The following BANK1 variants were observed in gnomAD, a reference collection of about 807,000 sequenced individuals.
BANK1 encodes B-cell scaffold protein with ankyrin repeats.
A neutral mutation model predicts 94.5 loss-of-function variants in BANK1; 95 were observed. The observed-to-expected ratio is 1.00, with a 90% confidence interval of 0.85 to 1.19. The LOEUF (loss-of-function observed/expected upper bound fraction) is 1.19. BANK1 is among the 50% of genes most tolerant of loss of function. The pLI, the probability that BANK1 is intolerant of heterozygous loss-of-function variation, is 0.00. For missense variants in BANK1, 987 were observed against 932.2 expected, an observed-to-expected ratio of 1.06 and a Z score of -0.77; for synonymous variants, 334 against 308.4, an observed-to-expected ratio of 1.08 and a Z score of -0.87.
intron 1 of BANK1, among the ~76,000 whole-genome samples, chr4:101,821,419 A>T (rs1186927824): frequency 6.6e-6 from 1 of 152,066 alleles, no homozygotes; most frequent in African/African-American, 2.4e-5. Flanking sequence ...TTCACTGTTG[A>T]TACTTTCTTT....
chr4:101,983,841 T>C (rs1056985061), intron 7 of BANK1, among the ~76,000 whole-genome samples: 4 of 152,066 alleles, frequency 2.6e-5, no homozygotes, highest in African/African-American at 9.7e-5. Context: ...TTAATTAATT[T>C]GTCAAAAAGT....
At chr4:101,797,016 T>C (rs908497500) in intron 1 of BANK1, among the ~76,000 whole-genome samples, 6 of 152,296 alleles carry the variant, frequency 3.9e-5, no homozygotes, top group East Asian at 3.9e-4. Context: ...AGTGGATTAA[T>C]ATCAGTATGA....
chr4:101,933,820 G>A lies in BANK1; in HGVS notation c.1206+15631G>A, dbSNP rs139274550. On this transcript the variant is annotated intron_variant, in intron 7 of 16. Transcript: ENST00000322953. ...ATTCAGATCTCATGACAGTGCTGAA[G>A]GGCTACCGAACTGATAGTGCCCTAA... Among the ~76,000 whole-genome samples the A allele has an allele frequency of 2.4e-4, 36 of 151,508 alleles. 1 individual carries two copies. In the East Asian group the frequency reaches 5.1e-3, roughly 21 times the overall value.
chr4:102,055,175 T>C (rs1414037264), intron 11 of BANK1, among the ~76,000 whole-genome samples: 1 of 152,030 alleles, frequency 6.6e-6, no homozygotes, highest in Non-Finnish European at 1.5e-5. Context: ...AGGATAAGTT[T>C]TGCCAGTGAG....
At chr4:102,061,162 G>A (rs1728406633) in intron 12 of BANK1, among the ~76,000 whole-genome samples, 2 of 152,098 alleles carry the variant, frequency 1.3e-5, no homozygotes, top group Non-Finnish European at 2.9e-5. Context: ...ATAAATAATT[G>A]ATAATAGCTT....
intron 5 of BANK1, among the ~76,000 whole-genome samples, chr4:101,879,780 T>C (rs781576331): frequency 1.3e-5 from 2 of 152,098 alleles, no homozygotes; most frequent in Non-Finnish European, 2.9e-5. Flanking sequence ...GTAAGGATGT[T>C]TCAAAATATG....
At chr4:101,870,391 G>A (rs1728238028) in intron 4 of BANK1, 114 bp from the exon 5 acceptor site, 1 of 923,268 alleles carries the variant, frequency 1.1e-6, no homozygotes, top group Non-Finnish European at 1.5e-6. Flanking sequence ...AAGTGCTAGA[G>A]ATGAGTAAAA....
intron 7 of BANK1, among the ~76,000 whole-genome samples, chr4:101,926,401 A>G (rs1723154191): frequency 6.6e-6 from 1 of 151,718 alleles, no homozygotes; most frequent in African/African-American, 2.4e-5. Context: ...AATAAATGGC[A>G]CCAGTTGAAG....
chr4:101,991,502 T>A, intron 7 of BANK1, among the ~76,000 whole-genome samples: 1 of 152,240 alleles, frequency 6.6e-6, no homozygotes, highest in Admixed American at 6.5e-5. Flanking sequence ...TAAAAAGATA[T>A]AGAGATAAAG....
At chr4:101,971,150 A>G (rs1279168148) in intron 7 of BANK1, among the ~76,000 whole-genome samples, 5 of 152,166 alleles carry the variant, frequency 3.3e-5, no homozygotes, top group African/African-American at 1.2e-4. Flanking sequence ...CTCAGTATAC[A>G]GATCACTCTC....
At chr4:102,069,714 C>T (rs1323899338) in intron 13 of BANK1, among the ~76,000 whole-genome samples, 1 of 152,110 alleles carries the variant, frequency 6.6e-6, no homozygotes, top group African/African-American at 2.4e-5. Context: ...ACAACAAATG[C>T]AAATGTCCAA....
chr4:101,882,312 T>G (rs35418410), intron 5 of BANK1, among the ~76,000 whole-genome samples: 10,788 of 152,206 alleles, frequency 0.071, 607 homozygotes, highest in Admixed American at 0.18. Context: ...ATTTATGAAA[T>G]TGAATAAATG....
intron 8 of BANK1, among the ~76,000 whole-genome samples, chr4:102,022,561 G>T (rs1726949787): frequency 6.6e-6 from 1 of 152,092 alleles, no homozygotes; most frequent in African/African-American, 2.4e-5. Context: ...GCAATGAACG[G>T]AAATTGTTCT....
At chr4:101,918,939 TATG>T in intron 7 of BANK1, among the ~76,000 whole-genome samples, 1 of 151,928 alleles carries the variant, frequency 6.6e-6, no homozygotes. Flanking sequence ...CATGAAGTAT[TATG>T]ATAAAATTAA....
chr4:101,802,840 G>A (rs921849259), intron 1 of BANK1, among the ~76,000 whole-genome samples: 4 of 152,156 alleles, frequency 2.6e-5, no homozygotes, highest in East Asian at 1.9e-4. Flanking sequence ...GGGACATTAC[G>A]AAAGTTGACT....
chr4:101,857,181 A>T (rs1727709754), intron 3 of BANK1, among the ~76,000 whole-genome samples: 1 of 152,184 alleles, frequency 6.6e-6, no homozygotes, highest in Admixed American at 6.5e-5. Context: ...GCCTTAAGGA[A>T]ATGATAGTTG....
intron 5 of BANK1, among the ~76,000 whole-genome samples, chr4:101,894,705 G>C (rs1722002752): frequency 6.6e-6 from 1 of 151,826 alleles, no homozygotes; most frequent in Non-Finnish European, 1.5e-5. Context: ...TTTGTAACAG[G>C]TTATATCATG....
At chr4:101,827,851 A>G (rs79017837) in intron 1 of BANK1, among the ~76,000 whole-genome samples, 7,823 of 151,692 alleles carry the variant, frequency 0.052, 292 homozygotes, top group South Asian at 0.078. Context: ...TTCTTTTTTT[A>G]TTCCTTTGCA....
At position 101,862,544 on chromosome 4, in the gene BANK1, A is replaced by G. The variant is rs779333045; in HGVS notation, c.643A>G (p.Ile215Val). The G allele has an allele frequency of 1.9e-5, 30 of 1,604,210 alleles. No individual in the cohort carries two copies. The highest frequency in any genetic ancestry group is 6.7e-5 in the East Asian group (3 of 44,558). Reference sequence around the variant, plus strand: ...CTTACAGAATCCTGGTGAAATATTCATAATTTTGAGAGATGAAGTAATTGG... The same window carrying G: ...CTTACAGAATCCTGGTGAAATATTCGTAATTTTGAGAGATGAAGTAATTGG... ...IPCENPGEIFIILRDEVIGDT... is the reference protein window; with the variant it reads ...IPCENPGEIFVILRDEVIGDT... The change falls in exon 4 of 17, where the codon ATA (isoleucine) becomes GTA (valine). Residue 215 changes from isoleucine to valine, a missense_variant. Transcript: ENST00000322953.
Sources: gnomAD v4.1 joint callset for allele counts (sites outside exome capture counted in the v4.1 genomes callset) on GRCh38, gnomAD v4.1.1 for gene constraint, MANE v1.5 for transcripts, NCBI Gene and HGNC (gene_info 2026-07-23, HGNC 2026-07-21) for gene names.